KIF27: variants seen among roughly 807,000 people sequenced by gnomAD.
KIF27 encodes kinesin family member 27.
Under a neutral mutation model 141.8 loss-of-function variants are expected in KIF27, and 84 were observed. That is an observed-to-expected ratio of 0.59 (90% CI 0.50 to 0.71). The LOEUF is 0.71. Ranked by LOEUF, KIF27 falls within the 30% of genes least tolerant of loss-of-function variation. The pLI, the probability that KIF27 is intolerant of heterozygous loss-of-function variation, is 0.00. For missense variants in KIF27, 1,306 were observed against 1,628.4 expected (o/e 0.80, Z 3.41); for synonymous variants, 471 against 569.5 (o/e 0.83, Z 2.46).
chr9:83,872,288 T>C (rs1448406238), intron 11 of KIF27, among the ~76,000 whole-genome samples: 1 of 152,142 alleles, frequency 6.6e-6, no homozygotes, highest in East Asian at 1.9e-4. Context: ...CACTCTAGCC[T>C]AGGTGACAGA....
At position 83,859,159 on chromosome 9, in the gene KIF27, A is replaced by T. The variant is rs1949597304; in HGVS notation, c.3147T>A (p.Pro1049=). The change falls in exon 14 of 18, where the codon CCT becomes CCA. Residue 1049 remains proline, a synonymous_variant. Transcript: ENST00000297814. The part of the protein sequence containing the change: ...EKLKNGRVLS[P]EEEHVLFQLE... ...GTTCCAAAGAATACTGACTTACTTC[A>T]GGTGATAACACTCTACCATTTTTAA... The T allele has an allele frequency of 1.9e-6, 3 of 1,602,224 alleles. No homozygotes were observed. The highest frequency in any genetic ancestry group is 3.3e-5 in the Admixed American group (2 of 60,002).
intron 16 of KIF27, among the ~76,000 whole-genome samples, chr9:83,848,337 ATATC>A (rs1420797847): frequency 7.6e-6 from 1 of 131,962 alleles, no homozygotes; most frequent in Non-Finnish European, 1.5e-5. Flanking sequence ...ATATCTATAT[ATATC>A]TATGTATCTA....
intron 16 of KIF27, among the ~76,000 whole-genome samples, chr9:83,848,458 C>G (rs1948101113): frequency 7.2e-6 from 1 of 139,144 alleles, no homozygotes; most frequent in African/African-American, 2.6e-5. Flanking sequence ...ATGTATATAT[C>G]TATATCTATA....
intron 14 of KIF27, 80 bp from the exon 15 acceptor site, chr9:83,853,915 A>AT (rs1948891334): frequency 9.4e-7 from 1 of 1,062,634 alleles, no homozygotes; most frequent in East Asian, 2.5e-5. Context: ...CTCCTAAGCT[A>AT]TTTGAGTCTA....
chr9:83,869,442 A>T (rs1950598266), intron 12 of KIF27, among the ~76,000 whole-genome samples: 1 of 152,170 alleles, frequency 6.6e-6, no homozygotes, highest in Non-Finnish European at 1.5e-5. Context: ...TTTTAGAAAT[A>T]TACTTGTCTT....
chr9:83,911,244 G>A (rs1239428084), intron 2 of KIF27, among the ~76,000 whole-genome samples: 1 of 151,810 alleles, frequency 6.6e-6, no homozygotes, highest in Non-Finnish European at 1.5e-5. Context: ...TTTTTTTGTT[G>A]CTTTTGTAGA....
Position 83,885,046 on chromosome 9 carries a change from A to T in KIF27, c.2240-1028T>A, listed in dbSNP as rs148990475. Among the ~76,000 whole-genome samples the T allele has an allele frequency of 8.0e-3, 1,218 of 152,262 alleles. 32 individuals carry two copies. The highest frequency in any genetic ancestry group is 0.037 in the East Asian group (191 of 5,188). On this transcript the variant is annotated intron_variant, in intron 9 of 17. Transcript: ENST00000297814. ...ACTGGCAAACTCGTGGCAGTAGAAA[A>T]CAGGAGTCTAAAGCTCAGAGGATGA...
intron 5 of KIF27, among the ~76,000 whole-genome samples, chr9:83,897,158 C>T (rs940140463): frequency 5.9e-5 from 9 of 151,912 alleles, no homozygotes; most frequent in African/African-American, 2.2e-4. Flanking sequence ...ACCAAGACAT[C>T]TGGGGAGTGG....
intron 13 of KIF27, among the ~76,000 whole-genome samples, chr9:83,865,355 T>C (rs572101435): frequency 6.6e-6 from 1 of 152,174 alleles, no homozygotes; most frequent in Non-Finnish European, 1.5e-5. Context: ...TGGAGTGCAA[T>C]GGCATGGTCT....
chr9:83,859,688 T>C (rs28702501), intron 13 of KIF27: 6,918 of 257,922 alleles, frequency 0.027, 103 homozygotes, highest in East Asian at 0.06. Context: ...CTCATCACCA[T>C]GTGCAGCTAA....
rs117193939 is a variant in KIF27, at chr9:83,859,312, C to G, written c.2994G>C (p.Leu998Phe). The change falls in exon 14 of 18, where the codon TTG becomes TTC. Residue 998 changes from leucine (L) to phenylalanine (F), a missense_variant. By Grantham distance (22) the Leu-to-Phe change is conservative. This residue lies in a region of KIF27 where 596 missense variants were observed against 751.6 expected (regional missense o/e 0.79). Coordinates refer to ENST00000297814, the MANE Select transcript of KIF27 (RefSeq NM_017576.4). ...STRLNLLEQE[L>F]SEKNVQLQTS... is the part of the protein sequence containing the mutation. Reference sequence around the variant, plus strand: ...TCTGGAGCTGCACATTCTTTTCAGACAACTCTTGTTCCAGTAAGTTCAGGC... The same window carrying G: ...TCTGGAGCTGCACATTCTTTTCAGAGAACTCTTGTTCCAGTAAGTTCAGGC... 714 of 1,613,796 alleles carry G rather than the reference C, an allele frequency of 4.4e-4. 1 individual carries two copies. Among genetic ancestry groups the G allele is most frequent in the Middle Eastern group, 6.6e-4 (4 of 6,060 alleles).
At chr9:83,860,349 G>A (rs1413769500) in intron 13 of KIF27, among the ~76,000 whole-genome samples, 2 of 152,146 alleles carry the variant, frequency 1.3e-5, no homozygotes, top group East Asian at 3.9e-4. Flanking sequence ...TTATGTCCAT[G>A]TTTCTAAATG....
intron 13 of KIF27, among the ~76,000 whole-genome samples, chr9:83,861,788 C>A (rs1949942864): frequency 6.6e-6 from 1 of 151,338 alleles, no homozygotes; most frequent in Non-Finnish European, 1.5e-5. Context: ...AGTTTACAGT[C>A]CCACCAACAG....
intron 13 of KIF27, among the ~76,000 whole-genome samples, chr9:83,864,971 T>G (rs1313238812): frequency 6.6e-6 from 1 of 152,240 alleles, no homozygotes; most frequent in Non-Finnish European, 1.5e-5. Flanking sequence ...GTTTAAAGTC[T>G]GTTTTATCAG....
rs1953667213 is a variant in KIF27, at chr9:83,899,770, T to C, written c.1493A>G (p.Gln498Arg). ...VLAADEVVFN[Q>R]KELEVKELKN... The stretch of plus-strand genomic sequence containing the variant: ...CAGTTCCTTCACCTCCAGTTCCTTC[T>C]GATTAAATACTACTTCATCAGCAGC... The change falls in exon 5 of 18, where the codon CAG becomes CGG. Residue 498 changes from glutamine to arginine, a missense_variant. By Grantham distance (43) the Gln-to-Arg change is conservative. Around this residue, in one of 4 missense-constraint regions of KIF27, gnomAD observed 29 missense variants for 60.3 expected, o/e 0.48. Transcript: ENST00000297814. The C allele has an allele frequency of 6.2e-7, 1 of 1,613,656 alleles. No homozygotes were observed. The highest frequency in any genetic ancestry group is 1.7e-5 in the Admixed American group (1 of 60,028).
intron 5 of KIF27, among the ~76,000 whole-genome samples, chr9:83,892,976 T>C (rs1952824736): frequency 6.6e-6 from 1 of 152,230 alleles, no homozygotes; most frequent in African/African-American, 2.4e-5. Flanking sequence ...GGCTCACACC[T>C]GTAATCCCAG....
At chr9:83,871,089 A>G (rs939845817) in intron 11 of KIF27, among the ~76,000 whole-genome samples, 19 of 150,684 alleles carry the variant, frequency 1.3e-4, no homozygotes, top group African/African-American at 4.1e-4. Flanking sequence ...TTTTTTTTTT[A>G]ATTTTTTGTA....
chr9:83,913,953 G>A (rs1955445021), intron 2 of KIF27, among the ~76,000 whole-genome samples: 1 of 151,882 alleles, frequency 6.6e-6, no homozygotes, highest in Non-Finnish European at 1.5e-5. Flanking sequence ...AAAAAAAGTA[G>A]AAAGAAAACA....
intron 13 of KIF27, among the ~76,000 whole-genome samples, chr9:83,863,098 A>G (rs1299820186): frequency 6.6e-6 from 1 of 152,102 alleles, no homozygotes; most frequent in Non-Finnish European, 1.5e-5. Flanking sequence ...GGTTTTCTAG[A>G]TATACAATCA....
Sources: gnomAD v4.1 joint callset for allele counts (sites outside exome capture counted in the v4.1 genomes callset) on GRCh38, gnomAD v4.1.1 for gene constraint, gnomAD v4.1.1 regional missense constraint, MANE v1.5 for transcripts, NCBI Gene and HGNC (gene_info 2026-07-23, HGNC 2026-07-21) for gene names.